Variants in TRPM6 observed in about 807,000 individuals in gnomAD.
The protein encoded by TRPM6 is channel kinase 2.
TRPM6 carries 111 observed loss-of-function variants against 247.6 expected under a neutral mutation model. The observed-to-expected ratio is 0.45, with a 90% CI of 0.38 to 0.52. The LOEUF (loss-of-function observed/expected upper bound fraction) is 0.52, where lower values mean the gene tolerates loss of function less well. Among genes scored for constraint, TRPM6 ranks in the 20% least tolerant of loss-of-function variants. The pLI is 0.00. For missense variants in TRPM6, 2,126 were observed against 2,421.5 expected, an observed-to-expected ratio of 0.88 and a Z score of 2.56; for synonymous variants, 892 against 853.8, an observed-to-expected ratio of 1.04 and a Z score of -0.78.
At chr9:74,856,467 C>CTGTGTGTGTGTG (rs57338419) in intron 2 of TRPM6, among the ~76,000 whole-genome samples, 79 of 147,714 alleles carry the variant, frequency 5.3e-4, no homozygotes, top group Middle Eastern at 3.2e-3. Context: ...GTGTGTGTGT[C>CTGTGTGTGTGTG]TGTGTGTGTG....
At chr9:74,751,016 A>C (rs2118787425) in intron 29 of TRPM6, among the ~76,000 whole-genome samples, 1 of 152,350 alleles carries the variant, frequency 6.6e-6, no homozygotes, top group East Asian at 1.9e-4. Flanking sequence ...ATAGAAAATC[A>C]GGACTAAACA....
chr9:74,821,873 GAATCCCT>G lies in TRPM6; in HGVS notation c.842-43_842-37del, dbSNP rs756067500. 5.6e-6 allele frequency: 9 copies of G among 1,612,874 alleles called. No homozygotes were observed. The African/African-American group carries it at 1.1e-4, about 19-fold the overall frequency. On this transcript the variant is annotated intron_variant, in intron 7 of 38. Transcript: ENST00000360774. ...CCACAAACAATACCACACTGTTAGA[GAATCCCT>G]AGCTCAGCCAGTCGGCCGTTTTGAC...
chr9:74,780,203 C>T (rs1827385026), intron 23 of TRPM6, among the ~76,000 whole-genome samples: 1 of 151,182 alleles, frequency 6.6e-6, no homozygotes, highest in Non-Finnish European at 1.5e-5. Context: ...CATGGTGGCT[C>T]ACACCTGTAA....
chr9:74,754,178 T>C (rs1013121739), intron 28 of TRPM6, among the ~76,000 whole-genome samples: 3 of 152,128 alleles, frequency 2.0e-5, no homozygotes, highest in Non-Finnish European at 4.4e-5. Context: ...TCCAAATTTA[T>C]GGTCTCTAGT....
chr9:74,839,918 G>GAGGGAGAGAGGGAGGGAGGT, intron 5 of TRPM6, 106 bp downstream of exon 5: 1 of 753,890 alleles, frequency 1.3e-6, no homozygotes. Flanking sequence ...GGGAGGGAGG[G>GAGGGAGAGAGGGAGGGAGGT]AAAGAAAAGA....
At chr9:74,873,602 A>G (rs1831095138) in intron 1 of TRPM6, among the ~76,000 whole-genome samples, 1 of 152,202 alleles carries the variant, frequency 6.6e-6, no homozygotes, top group Non-Finnish European at 1.5e-5. Flanking sequence ...TTTCCACAGG[A>G]TGCAATTTCG....
chr9:74,818,293 C>CT (rs1161401022), intron 9 of TRPM6, among the ~76,000 whole-genome samples: 6,126 of 71,984 alleles, frequency 0.085, 1,439 homozygotes, highest in African/African-American at 0.25. Flanking sequence ...TCTATCATTT[C>CT]TTTTTTTTTT....
chr9:74,784,783 T>C (rs1027226830), intron 21 of TRPM6, among the ~76,000 whole-genome samples: 2 of 152,124 alleles, frequency 1.3e-5, no homozygotes, highest in Non-Finnish European at 2.9e-5. Flanking sequence ...TGGAAGGCAG[T>C]GGTGACATGA....
intron 14 of TRPM6, chr9:74,804,805 G>A (rs1828476753): frequency 5.0e-6 from 3 of 604,610 alleles, no homozygotes; most frequent in Non-Finnish European, 8.9e-6. Flanking sequence ...AAGCAACATG[G>A]AAATAAGCTT....
At chr9:74,803,378 G>A (rs1040309216) in intron 15 of TRPM6, among the ~76,000 whole-genome samples, 1 of 151,776 alleles carries the variant, frequency 6.6e-6, no homozygotes, top group Non-Finnish European at 1.5e-5. Context: ...GCCTCAAAAA[G>A]GAAAAAATTT....
intron 28 of TRPM6, among the ~76,000 whole-genome samples, chr9:74,754,125 A>C (rs1028307757): frequency 3.3e-5 from 5 of 151,878 alleles, no homozygotes; most frequent in Non-Finnish European, 5.9e-5. Flanking sequence ...ATCTATTTAT[A>C]ATTGGTCCTG....
chr9:74,828,194 A>G (rs1470777205), intron 6 of TRPM6, among the ~76,000 whole-genome samples: 1 of 152,100 alleles, frequency 6.6e-6, no homozygotes, highest in Non-Finnish European at 1.5e-5. Flanking sequence ...TCTACTAAAA[A>G]TACACAAAAA....
intron 1 of TRPM6, among the ~76,000 whole-genome samples, chr9:74,859,610 T>C (rs1830635060): frequency 6.6e-6 from 1 of 151,812 alleles, no homozygotes; most frequent in Non-Finnish European, 1.5e-5. Context: ...CCGTCTCTAC[T>C]AAAAATACAA....
chr9:74,825,212 A>G (rs1829289104), intron 7 of TRPM6, among the ~76,000 whole-genome samples: 1 of 152,160 alleles, frequency 6.6e-6, no homozygotes, highest in Non-Finnish European at 1.5e-5. Context: ...CAGTGAACTG[A>G]TATCACGCCA....
intron 18 of TRPM6, among the ~76,000 whole-genome samples, chr9:74,794,271 T>G (rs915848687): frequency 6.6e-6 from 1 of 152,212 alleles, no homozygotes; most frequent in Non-Finnish European, 1.5e-5. Context: ...AAAAGTTATC[T>G]CTTTAATGTC....
intron 5 of TRPM6, among the ~76,000 whole-genome samples, 195 bp downstream of exon 5, chr9:74,839,829 A>C (rs1276710353): frequency 7.0e-6 from 1 of 142,966 alleles, no homozygotes; most frequent in Admixed American, 7.2e-5. Flanking sequence ...CACAGTTAGA[A>C]AGAAAAAAGA....
At chr9:74,729,737 A>G (rs1270232947) in intron 37 of TRPM6, among the ~76,000 whole-genome samples, 1 of 152,250 alleles carries the variant, frequency 6.6e-6, no homozygotes, top group Non-Finnish European at 1.5e-5. Context: ...TACGATGCCA[A>G]TAAAGTGAAA....
chr9:74,743,996 C>T, intron 32 of TRPM6, 99 bp downstream of exon 32: 2 of 1,194,526 alleles, frequency 1.7e-6, no homozygotes, highest in Non-Finnish European at 2.5e-6. Context: ...AAGTCGCGAG[C>T]CATGTCAGTA....
intron 19 of TRPM6, among the ~76,000 whole-genome samples, chr9:74,789,241 T>C (rs183099494): frequency 3.3e-5 from 5 of 152,352 alleles, no homozygotes; most frequent in Admixed American, 3.3e-4. Flanking sequence ...ATAGAAAAGT[T>C]GTGTCCAACT....
Sources: allele counts gnomAD v4.1 joint callset (sites outside exome capture counted in the v4.1 genomes callset), GRCh38; gene constraint gnomAD v4.1.1; transcripts MANE v1.5; gene names NCBI Gene and HGNC (gene_info 2026-07-23, HGNC 2026-07-21).